Variants in CNTN5 observed in about 807,000 individuals in gnomAD.
CNTN5 encodes the protein contactin 5.
Under a neutral mutation model 129.1 loss-of-function variants are expected in CNTN5, and 77 were observed. That is an observed-to-expected ratio of 0.60 (90% CI 0.50 to 0.72). The LOEUF is 0.72. Among genes scored for constraint, CNTN5 ranks in the 30% least tolerant of loss-of-function variants. The pLI is 0.00. For synonymous variants in CNTN5, 509 were observed against 465.6 expected (o/e 1.09, Z -1.20); for missense variants, 1,478 against 1,328.8 (o/e 1.11, Z -1.75).
intron 13 of CNTN5, among the ~76,000 whole-genome samples, chr11:100,091,421 ATTCTTT>A (rs1944777129): frequency 9.5e-6 from 1 of 105,576 alleles, no homozygotes; most frequent in African/African-American, 3.8e-5. Context: ...TTTTTTATTT[ATTCTTT>A]TTTTTTTTTT....
intron 9 of CNTN5, among the ~76,000 whole-genome samples, chr11:100,053,167 C>T (rs1943044415): frequency 1.3e-5 from 2 of 151,486 alleles, no homozygotes; most frequent in South Asian, 2.1e-4. Context: ...AGAACAATAT[C>T]TCACTTTTTA....
At chr11:100,275,862 G>A (rs1350782092) in intron 18 of CNTN5, among the ~76,000 whole-genome samples, 1 of 152,158 alleles carries the variant, frequency 6.6e-6, no homozygotes, top group Non-Finnish European at 1.5e-5. Flanking sequence ...AGCTACTAAT[G>A]GTGTTGAGCC....
chr11:99,562,454 A>C (rs1948872634), intron 3 of CNTN5, among the ~76,000 whole-genome samples: 1 of 152,278 alleles, frequency 6.6e-6, no homozygotes. Flanking sequence ...CCACAGAAAA[A>C]AATAAATTAT....
At position 99,978,173 on chromosome 11, in the gene CNTN5, A is replaced by G. The variant is rs375243886; in HGVS notation, c.877+21164A>G. On this transcript the variant is annotated intron_variant, in intron 8 of 24. Transcript: ENST00000524871. The stretch of plus-strand genomic sequence containing the variant: ...AGATAATAAAAATTTTAAAGATAGA[A>G]AAAAGCTTATAGAATAAAGATCTAA... Among the ~76,000 whole-genome samples the G allele has an allele frequency of 3.0e-4, 45 of 152,250 alleles. 1 individual carries two copies. In the East Asian group the frequency reaches 4.8e-3, roughly 16 times the overall value.
intron 16 of CNTN5, among the ~76,000 whole-genome samples, chr11:100,233,726 G>T (rs975588379): frequency 6.6e-6 from 1 of 151,982 alleles, no homozygotes; most frequent in Non-Finnish European, 1.5e-5. Context: ...AGGTGCCATG[G>T]GTTTTGCTAG....
chr11:99,738,935 TTGTATG>T (rs1309273847), intron 3 of CNTN5, among the ~76,000 whole-genome samples: 5 of 152,146 alleles, frequency 3.3e-5, no homozygotes. Flanking sequence ...TGAGAATAAA[TTGTATG>T]TGTATGTGTA....
chr11:100,057,463 ATAAT>A (rs1452497923), intron 9 of CNTN5, among the ~76,000 whole-genome samples: 1 of 151,716 alleles, frequency 6.6e-6, no homozygotes, highest in East Asian at 1.9e-4. Flanking sequence ...GTAATTTATA[ATAAT>A]TTATCTCACT....
chr11:100,298,544 G>A (rs999117804), intron 19 of CNTN5, among the ~76,000 whole-genome samples: 10 of 151,314 alleles, frequency 6.6e-5, no homozygotes, highest in South Asian at 4.2e-4. Flanking sequence ...TGTGTGTGAA[G>A]CACTGTGCTA....
At chr11:99,275,778 T>C (rs1023735971) in intron 1 of CNTN5, among the ~76,000 whole-genome samples, 1 of 151,648 alleles carries the variant, frequency 6.6e-6, no homozygotes, top group African/African-American at 2.4e-5. Context: ...GGAACTAAGA[T>C]ATAAAGTGCA....
chr11:99,985,177 C>A (rs556523966), intron 8 of CNTN5, among the ~76,000 whole-genome samples: 6 of 152,194 alleles, frequency 3.9e-5, no homozygotes, highest in African/African-American at 1.4e-4. Context: ...AGTGTGATGG[C>A]CATTTTTGGG....
intron 11 of CNTN5, among the ~76,000 whole-genome samples, 183 bp downstream of exon 11, chr11:100,070,743 A>G (rs1207804949): frequency 6.6e-6 from 1 of 152,146 alleles, no homozygotes; most frequent in East Asian, 1.9e-4. Context: ...TGTCTGGGAT[A>G]TAGTAGTCAT....
chr11:99,924,424 A>T (rs1396593817), intron 7 of CNTN5, among the ~76,000 whole-genome samples: 1 of 152,124 alleles, frequency 6.6e-6, no homozygotes. Context: ...TTTGTGTATG[A>T]TCAGAGATAG....
chr11:99,846,582 T>C (rs540205534), intron 6 of CNTN5, among the ~76,000 whole-genome samples: 47 of 152,154 alleles, frequency 3.1e-4, no homozygotes, highest in African/African-American at 1.1e-3. Flanking sequence ...GGAATCTTTA[T>C]ATTAATAATT....
At chr11:100,083,423 T>C (rs1944435173) in intron 13 of CNTN5, among the ~76,000 whole-genome samples, 3 of 151,690 alleles carry the variant, frequency 2.0e-5, no homozygotes, top group African/African-American at 7.2e-5. Flanking sequence ...GATGATGCTA[T>C]ACCATTCACA....
intron 3 of CNTN5, among the ~76,000 whole-genome samples, chr11:99,770,679 C>A (rs1202920113): frequency 2.0e-5 from 3 of 151,930 alleles, no homozygotes; most frequent in Non-Finnish European, 4.4e-5. Context: ...TCAAATTTTT[C>A]TCTAAATATT....
chr11:99,144,810 GT>G (rs1369830980), intron 1 of CNTN5, among the ~76,000 whole-genome samples: 2 of 151,218 alleles, frequency 1.3e-5, no homozygotes. Context: ...GATCATGATT[GT>G]TTAAAATTTC....
intron 2 of CNTN5, among the ~76,000 whole-genome samples, chr11:99,536,070 G>C (rs115408788): frequency 6.6e-6 from 1 of 151,848 alleles, no homozygotes. Context: ...TGAGAGATAG[G>C]GTATACAAAT....
In CNTN5 at chr11:100,309,603, A is replaced by G. The variant is rs1951429181; in HGVS notation, c.2730+1135A>G. The G allele has an allele frequency of 1.8e-5, 18 of 983,970 alleles. No homozygotes were observed. The South Asian group carries it at 8.5e-4, about 46-fold the overall frequency. 61.0% of individuals were successfully genotyped at this position (983,970 alleles called of 1,614,324 possible). ...TGAATATTTCTGTTTCTCCCAATCC[A>G]TGCTTCAGGGACCATGTTTGTTCAT... is the stretch of plus-strand genomic sequence containing the variant. On this transcript the variant is annotated intron_variant, in intron 21 of 24. Coordinates refer to ENST00000524871, the MANE Select transcript of CNTN5 (RefSeq NM_014361.4).
At chr11:99,580,760 G>T (rs1949553086) in intron 3 of CNTN5, among the ~76,000 whole-genome samples, 1 of 139,970 alleles carries the variant, frequency 7.1e-6, no homozygotes, top group African/African-American at 2.7e-5. Context: ...TATCAATTTT[G>T]TTGATCTTTT....
Sources: allele counts gnomAD v4.1 joint callset (sites outside exome capture counted in the v4.1 genomes callset), GRCh38; gene constraint gnomAD v4.1.1; transcripts MANE v1.5; gene names NCBI Gene and HGNC (gene_info 2026-07-23, HGNC 2026-07-21).